DENND1A: variants seen among roughly 807,000 people sequenced by gnomAD.
DENND1A encodes DENN domain containing 1A.
In DENND1A, 51 loss-of-function variants were observed where a neutral mutation model predicts 113.7. The ratio of observed to expected loss-of-function variants is 0.45; its 90% confidence interval spans 0.36 to 0.57. DENND1A has a LOEUF of 0.57. DENND1A is among the 20% of genes least tolerant of loss of function. The pLI is 0.00. For synonymous variants in DENND1A, 565 were observed against 570.8 expected, an observed-to-expected ratio of 0.99 and a Z score of 0.14; for missense variants, 1,258 against 1,395.9, an observed-to-expected ratio of 0.90 and a Z score of 1.57.
At chr9:123,740,506 T>C (rs1290820966) in intron 5 of DENND1A, among the ~76,000 whole-genome samples, 1 of 152,144 alleles carries the variant, frequency 6.6e-6, no homozygotes, top group African/African-American at 2.4e-5. Context: ...TCTGTAGAGG[T>C]AGCAAAGTCT....
intron 13 of DENND1A, among the ~76,000 whole-genome samples, chr9:123,480,729 A>T (rs947789533): frequency 6.6e-6 from 1 of 152,114 alleles, no homozygotes; most frequent in Non-Finnish European, 1.5e-5. Context: ...CTCTCTACAG[A>T]TAGGGAGGGA....
intron 13 of DENND1A, among the ~76,000 whole-genome samples, chr9:123,506,857 A>C (rs2052997182): frequency 6.6e-6 from 1 of 152,162 alleles, no homozygotes; most frequent in Non-Finnish European, 1.5e-5. Flanking sequence ...TTCAAGCTTC[A>C]GAACCCAGAG....
chr9:123,690,154 GAGGGAGGA>G (rs1305797623), intron 5 of DENND1A, among the ~76,000 whole-genome samples: 3 of 127,478 alleles, frequency 2.4e-5, no homozygotes, highest in Non-Finnish European at 3.3e-5. Context: ...GGGAGGGAGG[GAGGGAGGA>G]AGGAGGAGGG....
chr9:123,451,373 G>A (rs546669603), intron 17 of DENND1A, among the ~76,000 whole-genome samples: 2 of 152,266 alleles, frequency 1.3e-5, no homozygotes, highest in South Asian at 2.1e-4. Context: ...AGTGGCTCAC[G>A]GTCAAATTAG....
In DENND1A at chr9:123,432,565, C is replaced by T. The variant is rs146856688; in HGVS notation, c.1488+7795G>A. ...CGGAGTGGGGAGATCACCACCGTACCTCTGCTCACTCACACAAAGACATGG... is the reference window on the plus strand; with the variant it reads ...CGGAGTGGGGAGATCACCACCGTACTTCTGCTCACTCACACAAAGACATGG... On this transcript the variant is annotated intron_variant, in intron 19 of 23. Transcript: ENST00000394215. Among the ~76,000 whole-genome samples, 6 of 152,336 alleles carry T rather than the reference C, an allele frequency of 3.9e-5. No individual in the cohort carries two copies. In the East Asian group the frequency reaches 1.2e-3, roughly 29 times the overall value.
intron 13 of DENND1A, among the ~76,000 whole-genome samples, chr9:123,483,202 C>T (rs905533870): frequency 6.6e-6 from 1 of 152,112 alleles, no homozygotes; most frequent in African/African-American, 2.4e-5. Context: ...TTTGGAGAGG[C>T]AAGTAGGACC....
intron 9 of DENND1A, among the ~76,000 whole-genome samples, chr9:123,631,183 C>G (rs552564102): frequency 1.3e-5 from 2 of 152,212 alleles, no homozygotes; most frequent in East Asian, 3.9e-4. Flanking sequence ...CTTTACACCC[C>G]CGACCCCCAG....
At chr9:123,698,112 C>G (rs1430108903) in intron 5 of DENND1A, among the ~76,000 whole-genome samples, 1 of 152,032 alleles carries the variant, frequency 6.6e-6, no homozygotes, top group Admixed American at 6.5e-5. Context: ...AGAAAAGAAG[C>G]CTTAGATCAT....
At position 123,507,179 on chromosome 9, in the gene DENND1A, A is replaced by G. The variant is rs140053217; in HGVS notation, c.994-49282T>C. Among the ~76,000 whole-genome samples the G allele has an allele frequency of 6.1e-3, 929 of 152,228 alleles. 11 individuals carry two copies. The highest frequency in any genetic ancestry group is 0.021 in the African/African-American group (874 of 41,522). On this transcript the variant is annotated intron_variant, in intron 13 of 23. Coordinates refer to ENST00000394215, the MANE Select transcript of DENND1A (RefSeq NM_001352964.2). Reference sequence around the variant, plus strand: ...ACTCCAGCCTGGGCGACAGAGTGAGACTCCGTCTCAAAAAGACAAAGAAAG... The same window carrying G: ...ACTCCAGCCTGGGCGACAGAGTGAGGCTCCGTCTCAAAAAGACAAAGAAAG...
chr9:123,611,797 T>C (rs1209016443), intron 10 of DENND1A, among the ~76,000 whole-genome samples: 1 of 152,210 alleles, frequency 6.6e-6, no homozygotes, highest in African/African-American at 2.4e-5. Flanking sequence ...CATAGGATCT[T>C]ATGTATGTAG....
chr9:123,919,354 C>A (rs937566624), intron 1 of DENND1A, among the ~76,000 whole-genome samples: 1 of 151,718 alleles, frequency 6.6e-6, no homozygotes, highest in African/African-American at 2.4e-5. Flanking sequence ...CACCTGTAAT[C>A]CCAGCTACTG....
At chr9:123,633,555 A>T (rs746115131) in intron 9 of DENND1A, among the ~76,000 whole-genome samples, 7 of 152,110 alleles carry the variant, frequency 4.6e-5, no homozygotes, top group Non-Finnish European at 8.8e-5. Flanking sequence ...TGGGCGGATC[A>T]CTTGAGATCA....
At chr9:123,610,792 T>C (rs952804366) in intron 10 of DENND1A, among the ~76,000 whole-genome samples, 1 of 152,162 alleles carries the variant, frequency 6.6e-6, no homozygotes, top group Non-Finnish European at 1.5e-5. Context: ...GAGTGGTAAG[T>C]AATGAGACAG....
chr9:123,403,606 G>T, intron 20 of DENND1A, 116 bp from the exon 21 acceptor site: 1 of 884,996 alleles, frequency 1.1e-6, no homozygotes, highest in Non-Finnish European at 1.8e-6. Context: ...GATTTTCAAA[G>T]CTACAGGCTA....
At chr9:123,620,348 G>A (rs78312041) in intron 10 of DENND1A, among the ~76,000 whole-genome samples, 6,481 of 152,020 alleles carry the variant, frequency 0.043, 172 homozygotes, top group South Asian at 0.057. Flanking sequence ...GCATCTCAGT[G>A]TAGGGCTCAG....
chr9:123,731,049 T>C (rs538951313), intron 5 of DENND1A, among the ~76,000 whole-genome samples: 13 of 151,878 alleles, frequency 8.6e-5, no homozygotes, highest in South Asian at 4.2e-4. Context: ...TAAGTGGGGG[T>C]TGAACAGTGA....
intron 11 of DENND1A, among the ~76,000 whole-genome samples, chr9:123,593,617 A>G (rs2059558513): frequency 6.6e-6 from 1 of 152,166 alleles, no homozygotes; most frequent in African/African-American, 2.4e-5. Context: ...ATTATACTAT[A>G]TGTCCCCTGT....
At chr9:123,594,323 A>C (rs2059593498) in intron 11 of DENND1A, among the ~76,000 whole-genome samples, 1 of 152,038 alleles carries the variant, frequency 6.6e-6, no homozygotes, top group Non-Finnish European at 1.5e-5. Flanking sequence ...CCACAGCCCA[A>C]CTCCTTACAA....
At chr9:123,706,781 A>AG (rs1282789236) in intron 5 of DENND1A, among the ~76,000 whole-genome samples, 1 of 151,054 alleles carries the variant, frequency 6.6e-6, no homozygotes, top group Non-Finnish European at 1.5e-5. Flanking sequence ...AAAAAAAAAA[A>AG]AAAAAAAAAA....
Sources: allele counts gnomAD v4.1 joint callset (sites outside exome capture counted in the v4.1 genomes callset), GRCh38; gene constraint gnomAD v4.1.1; transcripts MANE v1.5; gene names NCBI Gene and HGNC (gene_info 2026-07-23, HGNC 2026-07-21).